The following PURG variants were observed in gnomAD, a reference collection of about 807,000 sequenced individuals.
The protein encoded by PURG is purine-rich element-binding protein gamma.
Under a neutral mutation model 24.3 loss-of-function variants are expected in PURG, and 3 were observed. That is an observed-to-expected ratio of 0.12 (90% CI 0.06 to 0.32). The LOEUF is 0.32. Ranked by LOEUF, PURG falls within the 10% of genes least tolerant of loss-of-function variation. The probability of loss-of-function intolerance (pLI) is 1.00; values close to 1 mark genes in which losing one functional copy is unlikely to be tolerated. For missense variants in PURG, 371 were observed against 439.1 expected, an observed-to-expected ratio of 0.84 and a Z score of 1.39; for synonymous variants, 180 against 173.1, an observed-to-expected ratio of 1.04 and a Z score of -0.31.
Position 31,003,755 on chromosome 8 carries a change from C to T in PURG, c.865-7058G>A, listed in dbSNP as rs184875359. On this transcript the variant is annotated intron_variant, in intron 1 of 1. Transcript: ENST00000339382. ...CCAGCCTGGGTGACAGAGCAAGACTCCATCTCAAAAAAAAACCAAAAAACA... is the reference window on the plus strand; with the variant it reads ...CCAGCCTGGGTGACAGAGCAAGACTTCATCTCAAAAAAAAACCAAAAAACA... Among the ~76,000 whole-genome samples, 105 of 150,814 alleles carry T rather than the reference C, an allele frequency of 7.0e-4. No homozygotes were observed. The East Asian group carries it at 0.016, about 23-fold the overall frequency.
downstream of PURG, among the ~76,000 whole-genome samples, chr8:31,030,175 A>G (rs1811167058): frequency 6.6e-6 from 1 of 152,024 alleles, no homozygotes; most frequent in African/African-American, 2.4e-5. Context: ...AAAATCGCTG[A>G]TATAATTTTA....
At chr8:31,006,860 A>G (rs1810662721) in intron 1 of PURG, among the ~76,000 whole-genome samples, 1 of 152,174 alleles carries the variant, frequency 6.6e-6, no homozygotes, top group African/African-American at 2.4e-5. Flanking sequence ...TTCTAACTCA[A>G]CATTACACAT....
At chr8:31,013,674 T>A (rs1585359205) in intron 1 of PURG, among the ~76,000 whole-genome samples, 1 of 152,098 alleles carries the variant, frequency 6.6e-6, no homozygotes, top group Admixed American at 6.5e-5. Flanking sequence ...GAGGCGGAGG[T>A]TGCAGTGAGC....
At chr8:31,015,359 A>C (rs1394780790) in intron 1 of PURG, among the ~76,000 whole-genome samples, 2 of 151,338 alleles carry the variant, frequency 1.3e-5, no homozygotes, top group East Asian at 3.9e-4. Flanking sequence ...ACAAACACAC[A>C]AACAAACAAA....
At chr8:31,017,490 A>T (rs1810897441) in intron 1 of PURG, among the ~76,000 whole-genome samples, 1 of 152,128 alleles carries the variant, frequency 6.6e-6, no homozygotes, top group Admixed American at 6.5e-5. Flanking sequence ...TTGCTTAGCC[A>T]AATATTTAGA....
rs141289703 is a variant in PURG at position 31,015,907 on chromosome 8, G to T, written c.864+16012C>A. Among the ~76,000 whole-genome samples, 867 of 152,132 alleles carry T rather than the reference G, an allele frequency of 5.7e-3. 5 individuals are homozygous for T. The highest frequency in any genetic ancestry group is 9.3e-3 in the Non-Finnish European group (633 of 68,002). On this transcript the variant is annotated intron_variant, in intron 1 of 1. Transcript: ENST00000339382. ...CATTACAAAAAATAAAAAAAAATTC[G>T]CCAGGCATGGTGGCATGCACCTATG...
chr8:31,031,092 T>C lies in PURG; in HGVS notation c.*647A>G, dbSNP rs1402305683. ...TTAAAACTCTCCCATGGCTTTGATA[T>C]GGCAACTATAAAATGTAGGGTTACC... On this transcript the variant is annotated 3_prime_UTR_variant, in exon 2 of 2. Transcript: ENST00000523392. 1 of 152,616 alleles carries C rather than the reference T, an allele frequency of 6.6e-6. No individual in the cohort carries two copies. Among genetic ancestry groups the C allele is most frequent in the African/African-American group, 2.4e-5 (1 of 41,458 alleles). 9.5% of individuals were successfully genotyped at this position (152,616 alleles called of 1,614,324 possible).
chr8:31,013,686 G>A (rs10094717), intron 1 of PURG, among the ~76,000 whole-genome samples: 3,414 of 152,264 alleles, frequency 0.022, 116 homozygotes, highest in African/African-American at 0.075. Flanking sequence ...GCAGTGAGCC[G>A]AGGTCGCGCC....
At position 31,031,922 on chromosome 8, in the gene PURG, C is replaced by T. The variant is rs1176130225; in HGVS notation, c.861G>A (p.Leu287=). The part of the protein sequence containing the change: ...DVGSNKYGIF[L]KVSEVRPPYR... ...AAGGTGGTCTCACCTCACTTACCTT[C>T]AGGAAAATTCCATATTTATTAGAGC... The change falls in exon 2 of 2, where the codon CTG becomes CTA. Residue 287 remains leucine, a synonymous_variant. Transcript: ENST00000523392. The T allele has an allele frequency of 6.2e-6, 10 of 1,614,034 alleles. No individual in the cohort carries two copies. The highest frequency in any genetic ancestry group is 8.5e-6 in the Non-Finnish European group (10 of 1,180,034).
intron 1 of PURG, among the ~76,000 whole-genome samples, chr8:30,999,761 A>G (rs1033021751): frequency 1.3e-5 from 2 of 152,040 alleles, no homozygotes; most frequent in Non-Finnish European, 2.9e-5. Context: ...CTTAGCACAA[A>G]TATAATCAAG....
intron 1 of PURG, among the ~76,000 whole-genome samples, chr8:31,014,950 A>G (rs1174448903): frequency 2.6e-5 from 4 of 152,252 alleles, no homozygotes; most frequent in African/African-American, 9.6e-5. Context: ...CTCAAAGATT[A>G]TAAGCATATC....
At chr8:31,009,573 A>G (rs1398738108) in intron 1 of PURG, among the ~76,000 whole-genome samples, 1 of 152,264 alleles carries the variant, frequency 6.6e-6, no homozygotes, top group African/African-American at 2.4e-5. Flanking sequence ...TCATTTACTT[A>G]ACAGCAATTC....
intron 1 of PURG, among the ~76,000 whole-genome samples, chr8:31,008,952 A>G (rs1476079921): frequency 6.6e-6 from 1 of 152,188 alleles, no homozygotes; most frequent in Non-Finnish European, 1.5e-5. Context: ...TTAAGGGGGT[A>G]GAGGAAGTGG....
chr8:31,030,783 A>G (rs908045607), downstream of PURG: 3 of 152,026 alleles, frequency 2.0e-5, no homozygotes, highest in Non-Finnish European at 4.4e-5. Flanking sequence ...GTATATTTTT[A>G]TATCAGTTAA....
chr8:31,001,190 G>A (rs373651512), intron 1 of PURG, among the ~76,000 whole-genome samples: 15 of 152,192 alleles, frequency 9.9e-5, no homozygotes, highest in East Asian at 5.8e-4. Context: ...ATACACACAC[G>A]TATTTTCTTG....
chr8:31,016,137 T>C (rs796150704), intron 1 of PURG, among the ~76,000 whole-genome samples: 8 of 151,938 alleles, frequency 5.3e-5, no homozygotes, highest in African/African-American at 1.9e-4. Context: ...TCCAGCACTT[T>C]GGGAGGCCAA....
intron 1 of PURG, among the ~76,000 whole-genome samples, chr8:31,009,603 T>C (rs938207518): frequency 2.6e-5 from 4 of 152,228 alleles, no homozygotes; most frequent in South Asian, 2.1e-4. Context: ...AGTATGCTTT[T>C]AATCCTATTG....
chr8:31,018,832 A>G (rs1810922249), intron 1 of PURG, among the ~76,000 whole-genome samples: 1 of 151,656 alleles, frequency 6.6e-6, no homozygotes, highest in African/African-American at 2.4e-5. Context: ...ATTAAGGTTT[A>G]TATATAGTTA....
intron 1 of PURG, among the ~76,000 whole-genome samples, chr8:31,009,826 G>T (rs1283618974): frequency 6.6e-6 from 1 of 152,104 alleles, no homozygotes; most frequent in Non-Finnish European, 1.5e-5. Flanking sequence ...TTTCAAACAG[G>T]TTTCTGAAAA....
Sources: allele counts gnomAD v4.1 joint callset (sites outside exome capture counted in the v4.1 genomes callset), GRCh38; gene constraint gnomAD v4.1.1; transcripts MANE v1.5; gene names NCBI Gene and HGNC (gene_info 2026-07-23, HGNC 2026-07-21).